The following NCOA3 variants were observed in gnomAD, a reference collection of about 807,000 sequenced individuals.
NCOA3 encodes the protein nuclear receptor coactivator 3.
A neutral mutation model predicts 158.8 loss-of-function variants in NCOA3; 51 were observed. The observed-to-expected ratio is 0.32, with a 90% confidence interval of 0.26 to 0.41. The LOEUF is 0.41. NCOA3 is among the 10% of genes least tolerant of loss of function. The pLI is 1.00. For synonymous variants in NCOA3, 537 were observed against 592.4 expected (o/e 0.91, Z 1.36); for missense variants, 1,510 against 1,746.6 (o/e 0.86, Z 2.41).
At position 47,583,190 on chromosome 20, in the gene NCOA3, A is replaced by G; in HGVS notation, c.-91A>G. The G allele has an allele frequency of 2.5e-6, 1 of 398,670 alleles. No homozygotes were observed. Among genetic ancestry groups the G allele is most frequent in the Non-Finnish European group, 4.4e-6 (1 of 226,060 alleles). The allele number at this position is 398,670 out of a possible 1,614,324, so 24.7% of individuals were successfully genotyped here. A position where few individuals can be genotyped will look rare whatever the true frequency, so the allele number is the denominator to read the frequency against. ...TCTTCTTTTTGTCCTCAGGATCAAA[A>G]TACTTGCTGGATGGTGGACTCAGAG... On this transcript the variant is annotated 5_prime_UTR_variant, in exon 2 of 23. Coordinates refer to ENST00000371998, the MANE Select transcript of NCOA3 (RefSeq NM_181659.3).
Position 47,593,554 on chromosome 20 carries a change from A to G in NCOA3, c.-20+10293A>G, listed in dbSNP as rs560892336. On this transcript the variant is annotated intron_variant, in intron 2 of 22. Coordinates refer to ENST00000371998, the MANE Select transcript of NCOA3 (RefSeq NM_181659.3). ...GAGATGGGGTTTCACCATGTTAGCC[A>G]GGATGGTCTCGATCTCCTGACCTCG... is the stretch of plus-strand genomic sequence containing the variant. 1.4e-4 allele frequency among the ~76,000 whole-genome samples: 21 copies of G among 151,458 alleles called. No individual in the cohort carries two copies. In the East Asian group the frequency reaches 3.9e-3, roughly 28 times the overall value.
chr20:47,656,749 T>C lies in NCOA3; in HGVS notation c.*3332T>C, dbSNP rs1023145328. On this transcript the variant is annotated 3_prime_UTR_variant, in exon 23 of 23. Transcript: ENST00000371998. The stretch of plus-strand genomic sequence containing the variant: ...GTTTACATTATGTTGCTTAAAAAAA[T>C]AGAAATTATTCTTTATCTTGCAAAG... 4 of 152,556 alleles carry C rather than the reference T, an allele frequency of 2.6e-5. No homozygotes were observed. Among genetic ancestry groups the C allele is most frequent in the Non-Finnish European group, 2.9e-5 (2 of 68,008 alleles). The allele number at this position is 152,556 out of a possible 1,614,324, so 9.5% of individuals were successfully genotyped here. A position where few individuals can be genotyped will look rare whatever the true frequency, so the allele number is the denominator to read the frequency against.
intron 1 of NCOA3, among the ~76,000 whole-genome samples, chr20:47,556,607 C>T (rs1034478842): frequency 3.3e-5 from 5 of 152,138 alleles, no homozygotes; most frequent in Admixed American, 6.6e-5. Flanking sequence ...ACTGCAACCT[C>T]CGCCTCCTGG....
At chr20:47,616,274 A>G (rs1444702660) in intron 2 of NCOA3, among the ~76,000 whole-genome samples, 2 of 143,570 alleles carry the variant, frequency 1.4e-5, no homozygotes, top group East Asian at 2.3e-4. Context: ...GCTCACTGCA[A>G]CCTCCACCTC....
chr20:47,544,136 G>C (rs2084788726), intron 1 of NCOA3, among the ~76,000 whole-genome samples: 1 of 151,870 alleles, frequency 6.6e-6, no homozygotes. Flanking sequence ...TAACTAAGTA[G>C]CAGATATTGT....
Position 47,651,189 on chromosome 20 carries a change from A to C in NCOA3, c.3859A>C (p.Thr1287Pro). 6.2e-7 allele frequency: 1 copy of C among 1,614,090 alleles called. No individual in the cohort carries two copies. Among genetic ancestry groups the C allele is most frequent in the South Asian group, 1.1e-5 (1 of 91,064 alleles). Reference sequence around the variant, plus strand: ...GGCCTTCAGCCCACCTCCTAATGTGACTGCTTCCCCCAGCATGGATGGGCT... The same window carrying C: ...GGCCTTCAGCCCACCTCCTAATGTGCCTGCTTCCCCCAGCATGGATGGGCT... ...TQAFSPPPNVTASPSMDGLLA... is the reference protein window; with the variant it reads ...TQAFSPPPNVPASPSMDGLLA... The change falls in exon 20 of 23, where the codon ACT (threonine) becomes CCT (proline). Residue 1287 changes from threonine (T) to proline (P), a missense_variant. Thr to Pro is a conservative substitution (Grantham distance 38). Coordinates refer to ENST00000371998, the MANE Select transcript of NCOA3 (RefSeq NM_181659.3).
At chr20:47,524,093 G>C (rs2084387894) in intron 1 of NCOA3, among the ~76,000 whole-genome samples, 1 of 152,224 alleles carries the variant, frequency 6.6e-6, no homozygotes, top group Non-Finnish European at 1.5e-5. Flanking sequence ...ACAATATTGA[G>C]ACAAAAATTT....
intron 2 of NCOA3, among the ~76,000 whole-genome samples, chr20:47,610,800 T>C (rs2086030539): frequency 6.6e-6 from 1 of 152,346 alleles, no homozygotes; most frequent in Middle Eastern, 3.4e-3. Flanking sequence ...TTTATTAGCT[T>C]TACATTTATT....
At chr20:47,564,818 C>A (rs1017098270) in intron 1 of NCOA3, among the ~76,000 whole-genome samples, 1 of 152,120 alleles carries the variant, frequency 6.6e-6, no homozygotes, top group Non-Finnish European at 1.5e-5. Context: ...CTGTGAATTG[C>A]CTACTCTGGT....
chr20:47,530,461 C>CT (rs11483053), intron 1 of NCOA3, among the ~76,000 whole-genome samples: 35,302 of 129,342 alleles, frequency 0.27, 5,553 homozygotes, highest in South Asian at 0.35. Flanking sequence ...AATGATTTAA[C>CT]TTTTTTTTTT....
rs149581946 is a variant in NCOA3, at chr20:47,522,265, G to C, written c.-99+20246G>C. ...CTACAGGTGCCCGCCACCACGCCCG[G>C]CTAATTTTTTGTATTTTTAGTAGAG... On this transcript the variant is annotated intron_variant, in intron 1 of 22. Coordinates refer to ENST00000371998, the MANE Select transcript of NCOA3 (RefSeq NM_181659.3). Among the ~76,000 whole-genome samples the C allele has an allele frequency of 2.2e-3, 337 of 151,788 alleles. 1 individual carries two copies. The highest frequency in any genetic ancestry group is 7.7e-3 in the African/African-American group (318 of 41,402).
At position 47,634,202 on chromosome 20, in the gene NCOA3, A is replaced by C; in HGVS notation, c.1112+7A>C. 6.2e-7 allele frequency: 1 copy of C among 1,611,598 alleles called. No individual in the cohort carries two copies. The highest frequency in any genetic ancestry group is 8.5e-7 in the Non-Finnish European group (1 of 1,178,148). On this transcript the variant is annotated splice_region_variant and intron_variant, in intron 10 of 22. Coordinates refer to ENST00000371998, the MANE Select transcript of NCOA3 (RefSeq NM_181659.3). ...CAACCCACTTCCTTCAGAGGTAATG[A>C]TAGATTACTGTGTATTCTAATACAA...
At chr20:47,533,883 G>A (rs1174419138) in intron 1 of NCOA3, among the ~76,000 whole-genome samples, 1 of 152,132 alleles carries the variant, frequency 6.6e-6, no homozygotes, top group Non-Finnish European at 1.5e-5. Flanking sequence ...CTGTGGCTAT[G>A]CCACTGTACT....
intron 1 of NCOA3, among the ~76,000 whole-genome samples, chr20:47,575,450 A>C (rs2085358139): frequency 6.6e-6 from 1 of 152,220 alleles, no homozygotes; most frequent in African/African-American, 2.4e-5. Flanking sequence ...CTAGAAAATT[A>C]CTTCTTTTAA....
intron 17 of NCOA3, among the ~76,000 whole-genome samples, chr20:47,645,948 T>A (rs2086679388): frequency 6.6e-6 from 1 of 152,144 alleles, no homozygotes; most frequent in South Asian, 2.1e-4. Flanking sequence ...TGGTCACACG[T>A]GTTTACTCTT....
chr20:47,555,176 G>A (rs1326644702), intron 1 of NCOA3, among the ~76,000 whole-genome samples: 3 of 152,182 alleles, frequency 2.0e-5, no homozygotes, highest in Non-Finnish European at 4.4e-5. Context: ...TTGCAAATAT[G>A]CCAGGTAGTA....
chr20:47,614,894 T>C (rs2086107670), intron 2 of NCOA3, among the ~76,000 whole-genome samples: 2 of 152,200 alleles, frequency 1.3e-5, no homozygotes, highest in African/African-American at 4.8e-5. Context: ...AAACTATGGC[T>C]GTCATAACCT....
chr20:47,636,047 T>C lies in NCOA3; in HGVS notation c.1661T>C (p.Met554Thr), dbSNP rs1258489316. 8.1e-6 allele frequency: 13 copies of C among 1,614,052 alleles called. No homozygotes were observed. Among genetic ancestry groups the C allele is most frequent in the African/African-American group, 1.3e-5 (1 of 74,924 alleles). ...CCCAAATTGGATAACTCTCCCAATA[T>C]GAATATTACCCAACCAAGTAAAGTA... ...PGPKLDNSPN[M>T]NITQPSKVSN... Residue 554 changes from methionine to threonine, a missense_variant, in exon 12 of 23, where the codon ATG (methionine) becomes ACG (threonine). Met to Thr is a moderately conservative substitution (Grantham distance 81). This residue lies in a region of NCOA3 where 1,017 missense variants were observed against 1,098.3 expected (regional missense o/e 0.93). Transcript: ENST00000371998.
chr20:47,614,578 T>TA (rs1445645748), intron 2 of NCOA3, among the ~76,000 whole-genome samples: 14 of 152,210 alleles, frequency 9.2e-5, no homozygotes, highest in African/African-American at 3.4e-4. Flanking sequence ...GCCTGACAGA[T>TA]AAACTAAATT....
Sources: gnomAD v4.1 joint callset for allele counts (sites outside exome capture counted in the v4.1 genomes callset) on GRCh38, gnomAD v4.1.1 for gene constraint, gnomAD v4.1.1 regional missense constraint, MANE v1.5 for transcripts, NCBI Gene and HGNC (gene_info 2026-07-23, HGNC 2026-07-21) for gene names.